RPH3A: variants seen among roughly 807,000 people sequenced by gnomAD.
RPH3A encodes the protein rabphilin 3A.
RPH3A carries 48 observed loss-of-function variants against 102.2 expected under a neutral mutation model. The ratio of observed to expected loss-of-function variants is 0.47; its 90% CI spans 0.37 to 0.60. The LOEUF is 0.60. Among genes scored for constraint, RPH3A ranks in the 20% least tolerant of loss-of-function variants. RPH3A has a pLI of 0.00. For missense variants in RPH3A, 781 were observed against 910.1 expected (o/e 0.86, Z 1.83); for synonymous variants, 310 against 324.3 (o/e 0.96, Z 0.47).
chr12:112,645,459 C>G (rs2039922078), intron 1 of RPH3A, among the ~76,000 whole-genome samples: 1 of 152,182 alleles, frequency 6.6e-6, no homozygotes, highest in Admixed American at 6.5e-5. Flanking sequence ...TTGTTGTTCT[C>G]TGAAATGTGT....
At chr12:112,696,650 C>A (rs932230355) in intron 1 of RPH3A, among the ~76,000 whole-genome samples, 1 of 152,150 alleles carries the variant, frequency 6.6e-6, no homozygotes, top group Non-Finnish European at 1.5e-5. Context: ...GAATGAAGGG[C>A]TCAGATAGGA....
At chr12:112,578,440 C>T (rs74672796) in intron 1 of RPH3A, among the ~76,000 whole-genome samples, 2 of 152,196 alleles carry the variant, frequency 1.3e-5, no homozygotes, top group African/African-American at 2.4e-5. Flanking sequence ...AAACAAAAAA[C>T]TTCCTAAGAA....
At chr12:112,866,266 T>G (rs1247186880) in intron 6 of RPH3A, among the ~76,000 whole-genome samples, 2 of 152,246 alleles carry the variant, frequency 1.3e-5, no homozygotes, top group African/African-American at 2.4e-5. Flanking sequence ...TGTGACCCAT[T>G]AAGTTTTCCT....
chr12:112,644,174 TAA>T (rs2039910699), intron 1 of RPH3A, among the ~76,000 whole-genome samples: 1 of 152,114 alleles, frequency 6.6e-6, no homozygotes, highest in Non-Finnish European at 1.5e-5. Flanking sequence ...AGCTGAAGTA[TAA>T]GAGATTACCT....
In RPH3A at chr12:112,861,165, C is replaced by T. The variant is rs564762187; in HGVS notation, c.231-4249C>T. 2.9e-4 allele frequency among the ~76,000 whole-genome samples: 44 copies of T among 152,270 alleles called. 1 individual carries two copies. The highest frequency in any genetic ancestry group is 2.3e-3 in the South Asian group (11 of 4,820). On this transcript the variant is annotated intron_variant, in intron 5 of 21. Transcript: ENST00000389385. ...GGCCCCTGAACTGGCTCTATGAAACCCTCGGGGTACCATGAAGCACAGTTT... is the reference window on the plus strand; with the variant it reads ...GGCCCCTGAACTGGCTCTATGAAACTCTCGGGGTACCATGAAGCACAGTTT...
At position 112,823,363 on chromosome 12, in the gene RPH3A, T is replaced by G. The variant is rs111821708; in HGVS notation, c.-18-4938T>G. Among the ~76,000 whole-genome samples, 541 of 152,332 alleles carry G rather than the reference T, an allele frequency of 3.6e-3. 2 individuals are homozygous for G. The highest frequency in any genetic ancestry group is 0.01 in the Middle Eastern group (3 of 294). The stretch of plus-strand genomic sequence containing the variant: ...TAGCTTAGCCACCCTGAGCCTGAAT[T>G]TTCTTACCTGTAAAATGAGGATAAT... On this transcript the variant is annotated intron_variant, in intron 2 of 21. Coordinates refer to ENST00000389385, the MANE Select transcript of RPH3A (RefSeq NM_001143854.2).
At chr12:112,674,422 C>T (rs556762762) in intron 1 of RPH3A, among the ~76,000 whole-genome samples, 11 of 152,322 alleles carry the variant, frequency 7.2e-5, no homozygotes, top group South Asian at 4.1e-4. Context: ...CAAGTCACTA[C>T]GACCTCTTGT....
intron 10 of RPH3A, among the ~76,000 whole-genome samples, chr12:112,870,901 A>G (rs2042697669): frequency 6.6e-6 from 1 of 152,206 alleles, no homozygotes; most frequent in Non-Finnish European, 1.5e-5. Context: ...TAGAGTGTTT[A>G]CTATGTGCCA....
intron 2 of RPH3A, among the ~76,000 whole-genome samples, chr12:112,796,172 G>C (rs1027704091): frequency 1.3e-5 from 2 of 152,172 alleles, no homozygotes; most frequent in South Asian, 4.1e-4. Flanking sequence ...CATGAGCCTG[G>C]GGGGTAGGCC....
At chr12:112,583,981 G>A (rs1592893321) in intron 1 of RPH3A, among the ~76,000 whole-genome samples, 1 of 152,076 alleles carries the variant, frequency 6.6e-6, no homozygotes, top group Admixed American at 6.5e-5. Flanking sequence ...GCGAGACCCT[G>A]TCTCAAAAAA....
At chr12:112,883,545 C>T in intron 16 of RPH3A, 143 bp downstream of exon 16, 1 of 621,290 alleles carries the variant, frequency 1.6e-6, no homozygotes, top group Non-Finnish European at 2.8e-6. Context: ...TTACTTTTAC[C>T]AAAAAATGAT....
At chr12:112,852,674 C>T (rs1299190836) in intron 5 of RPH3A, among the ~76,000 whole-genome samples, 1 of 152,168 alleles carries the variant, frequency 6.6e-6, no homozygotes, top group Non-Finnish European at 1.5e-5. Flanking sequence ...CCAGGCTAGA[C>T]ACACGTGGCT....
At chr12:112,685,170 CA>C (rs2040254770) in intron 1 of RPH3A, among the ~76,000 whole-genome samples, 1 of 152,160 alleles carries the variant, frequency 6.6e-6, no homozygotes, top group Non-Finnish European at 1.5e-5. Flanking sequence ...CTCCTGGGCT[CA>C]GGGGATCTTC....
intron 5 of RPH3A, among the ~76,000 whole-genome samples, chr12:112,855,626 C>T (rs2136202028): frequency 6.6e-6 from 1 of 152,232 alleles, no homozygotes; most frequent in Non-Finnish European, 1.5e-5. Context: ...ATGCACATGC[C>T]CTGCATGCCA....
chr12:112,603,757 C>G (rs1400879578), intron 1 of RPH3A, among the ~76,000 whole-genome samples: 2 of 152,130 alleles, frequency 1.3e-5, no homozygotes, highest in African/African-American at 4.8e-5. Context: ...TAGAAATACC[C>G]AACACCCTGG....
chr12:112,684,576 C>A (rs568376301), intron 1 of RPH3A, among the ~76,000 whole-genome samples: 1 of 152,264 alleles, frequency 6.6e-6, no homozygotes, highest in East Asian at 1.9e-4. Context: ...CCGAGAATAT[C>A]TATTTTTAAT....
intron 2 of RPH3A, among the ~76,000 whole-genome samples, chr12:112,793,111 T>C (rs1030344820): frequency 2.6e-5 from 4 of 152,174 alleles, no homozygotes; most frequent in African/African-American, 9.7e-5. Flanking sequence ...CCCCCTGCAC[T>C]AGTTTCTTTT....
At chr12:112,684,248 TG>T (rs1213849914) in intron 1 of RPH3A, among the ~76,000 whole-genome samples, 3 of 152,116 alleles carry the variant, frequency 2.0e-5, no homozygotes, top group African/African-American at 7.2e-5. Flanking sequence ...CTATTTTTAT[TG>T]TTTTTTTGTT....
chr12:112,884,086 A>G (rs1193661539), intron 16 of RPH3A, among the ~76,000 whole-genome samples: 1 of 152,182 alleles, frequency 6.6e-6, no homozygotes, highest in Admixed American at 6.6e-5. Context: ...AGACATTTAA[A>G]TCTACCTAAT....
Sources: allele counts gnomAD v4.1 joint callset (sites outside exome capture counted in the v4.1 genomes callset), GRCh38; gene constraint gnomAD v4.1.1; transcripts MANE v1.5; gene names NCBI Gene and HGNC (gene_info 2026-07-23, HGNC 2026-07-21).